Variants in ADAMTS12 observed in about 807,000 individuals in gnomAD.
The protein encoded by ADAMTS12 is ADAM metallopeptidase with thrombospondin type 1 motif 12, also known as A disintegrin and metalloproteinase with thrombospondin motifs 12.
Under a neutral mutation model 167.8 loss-of-function variants are expected in ADAMTS12, and 118 were observed. That is an observed-to-expected ratio of 0.70 (90% CI 0.61 to 0.82). The LOEUF (loss-of-function observed/expected upper bound fraction) is 0.82. Among genes scored for constraint, ADAMTS12 ranks in the 40% least tolerant of loss-of-function variants. The probability of loss-of-function intolerance (pLI) is 0.00; values close to 1 mark genes in which losing one functional copy is unlikely to be tolerated. For synonymous variants in ADAMTS12, 704 were observed against 716.9 expected (o/e 0.98, Z 0.29); for missense variants, 1,916 against 1,998.8 (o/e 0.96, Z 0.79).
intron 2 of ADAMTS12, among the ~76,000 whole-genome samples, chr5:33,872,898 C>T (rs1001146142): frequency 1.3e-5 from 2 of 152,148 alleles, no homozygotes; most frequent in Admixed American, 1.3e-4. Context: ...ATCCAACACC[C>T]ATTTATGATA....
intron 1 of ADAMTS12, among the ~76,000 whole-genome samples, chr5:33,886,448 A>G (rs1034396906): frequency 3.3e-5 from 5 of 152,232 alleles, no homozygotes; most frequent in Non-Finnish European, 7.3e-5. Flanking sequence ...GCCACGTTAT[A>G]TAACATTCCT....
intron 2 of ADAMTS12, among the ~76,000 whole-genome samples, chr5:33,784,161 C>T (rs777670886): frequency 2.6e-5 from 4 of 151,856 alleles, no homozygotes; most frequent in Non-Finnish European, 5.9e-5. Flanking sequence ...ACTACCTATA[C>T]ATAACAGAAA....
At chr5:33,891,514 C>T in intron 1 of ADAMTS12, 2 of 616,648 alleles carry the variant, frequency 3.2e-6, no homozygotes, top group Non-Finnish European at 5.6e-6. Context: ...GAGTGAGGTA[C>T]TCACCTTTCT....
chr5:33,713,371 T>A (rs187640041), intron 3 of ADAMTS12, among the ~76,000 whole-genome samples: 3 of 37,660 alleles, frequency 8.0e-5, no homozygotes, highest in African/African-American at 3.2e-4. Flanking sequence ...ACAAAGTAAC[T>A]TCCTCATTAG....
chr5:33,677,196 T>C (rs1741944072), intron 5 of ADAMTS12, among the ~76,000 whole-genome samples: 1 of 152,170 alleles, frequency 6.6e-6, no homozygotes, highest in Non-Finnish European at 1.5e-5. Flanking sequence ...ATTAATAAGC[T>C]TACAGGGTTT....
Position 33,890,688 on chromosome 5 carries a change from C to A in ADAMTS12, c.127+1042G>T, listed in dbSNP as rs536958985. ...GCATGCTAACCCAGTGCTCTGTGTGCGTGTGCATGCGTGTGGGTGCATATG... is the reference window on the plus strand; with the variant it reads ...GCATGCTAACCCAGTGCTCTGTGTGAGTGTGCATGCGTGTGGGTGCATATG... On this transcript the variant is annotated intron_variant, in intron 1 of 23. Transcript: ENST00000504830. 3.3e-5 allele frequency among the ~76,000 whole-genome samples: 5 copies of A among 152,200 alleles called. No homozygotes were observed. The South Asian group carries it at 1.0e-3, about 32-fold the overall frequency.
Position 33,662,050 on chromosome 5 carries a change from G to C in ADAMTS12, c.916-10C>G. 6.2e-7 allele frequency: 1 copy of C among 1,606,330 alleles called. No individual in the cohort carries two copies. Among genetic ancestry groups the C allele is most frequent in the Non-Finnish European group, 8.5e-7 (1 of 1,179,212 alleles). ...CTATTTTCAGTCCTTGCTGGAGAAA[G>C]AAGAGGAAGAGATTAGCATGGGAGA... On this transcript the variant is annotated splice_polypyrimidine_tract_variant and intron_variant, in intron 5 of 23. Transcript: ENST00000504830.
At chr5:33,633,556 T>C (rs763251689) in intron 12 of ADAMTS12, among the ~76,000 whole-genome samples, 1 of 152,008 alleles carries the variant, frequency 6.6e-6, no homozygotes, top group Non-Finnish European at 1.5e-5. Flanking sequence ...AAAGCAGTCA[T>C]CCTAAATGGA....
chr5:33,863,113 T>C (rs1016836625), intron 2 of ADAMTS12, among the ~76,000 whole-genome samples: 1 of 152,196 alleles, frequency 6.6e-6, no homozygotes, highest in Non-Finnish European at 1.5e-5. Context: ...GCTGGAAGCA[T>C]TCCCTTTGAA....
chr5:33,559,725 A>T (rs140275203), intron 20 of ADAMTS12, among the ~76,000 whole-genome samples: 39 of 152,262 alleles, frequency 2.6e-4, no homozygotes, highest in African/African-American at 8.4e-4. Context: ...TACTAAAAAT[A>T]CAAAAATCAG....
intron 3 of ADAMTS12, among the ~76,000 whole-genome samples, chr5:33,693,041 C>T (rs1742609467): frequency 6.6e-6 from 1 of 152,216 alleles, no homozygotes; most frequent in Non-Finnish European, 1.5e-5. Context: ...ACTCTCTCCA[C>T]TGTCATCAAA....
chr5:33,722,355 C>G (rs977639366), intron 3 of ADAMTS12, among the ~76,000 whole-genome samples: 10 of 152,148 alleles, frequency 6.6e-5, no homozygotes, highest in East Asian at 5.8e-4. Flanking sequence ...TGATGGTAAA[C>G]AGTTATATTA....
At chr5:33,881,588 T>A in intron 1 of ADAMTS12, 108 bp from the exon 2 acceptor site, 1 of 1,447,406 alleles carries the variant, frequency 6.9e-7, no homozygotes, top group Non-Finnish European at 9.2e-7. Flanking sequence ...GGAAATGGAG[T>A]TTTGCTCTTG....
chr5:33,540,842 A>C (rs1277478671), intron 22 of ADAMTS12, among the ~76,000 whole-genome samples: 7 of 152,256 alleles, frequency 4.6e-5, no homozygotes, highest in Admixed American at 1.3e-4. Flanking sequence ...CACCAACATC[A>C]AAGACCAAAA....
At chr5:33,771,431 A>G (rs569691985) in intron 2 of ADAMTS12, among the ~76,000 whole-genome samples, 1 of 151,380 alleles carries the variant, frequency 6.6e-6, no homozygotes, top group African/African-American at 2.5e-5. Flanking sequence ...CTTGATGATC[A>G]AGTGAAACAT....
In ADAMTS12 at chr5:33,859,214, C is replaced by T. The variant is rs541252194; in HGVS notation, c.489+21905G>A. The stretch of plus-strand genomic sequence containing the variant: ...GCCAGGGAGCCAAGTGGTCTAGCTC[C>T]CCAGATCCCATCCCCACAGAGCCCA... On this transcript the variant is annotated intron_variant, in intron 2 of 23. Coordinates refer to ENST00000504830, the MANE Select transcript of ADAMTS12 (RefSeq NM_030955.4). 2.0e-5 allele frequency among the ~76,000 whole-genome samples: 3 copies of T among 152,314 alleles called. No individual in the cohort carries two copies. In the South Asian group the frequency reaches 6.2e-4, roughly 32 times the overall value.
intron 15 of ADAMTS12, among the ~76,000 whole-genome samples, chr5:33,614,749 C>T (rs1207214200): frequency 2.6e-5 from 4 of 152,284 alleles, no homozygotes; most frequent in Non-Finnish European, 5.9e-5. Context: ...TGTTCTTATG[C>T]ACTTACCAGC....
intron 2 of ADAMTS12, among the ~76,000 whole-genome samples, chr5:33,859,299 C>A (rs114803348): frequency 0.15 from 23,456 of 152,240 alleles, 2,511 homozygotes; most frequent in Non-Finnish European, 0.24. Flanking sequence ...TGAAGTTGAT[C>A]CGGGATGGAC....
At chr5:33,880,016 T>C (rs1288239918) in intron 2 of ADAMTS12, among the ~76,000 whole-genome samples, 2 of 152,170 alleles carry the variant, frequency 1.3e-5, no homozygotes, top group African/African-American at 4.8e-5. Flanking sequence ...TGGGATTCCT[T>C]CCCCTGCAGT....
Sources: allele counts gnomAD v4.1 joint callset (sites outside exome capture counted in the v4.1 genomes callset), GRCh38; gene constraint gnomAD v4.1.1; transcripts MANE v1.5; gene names NCBI Gene and HGNC (gene_info 2026-07-23, HGNC 2026-07-21).